CCDC171: variants seen among roughly 807,000 people sequenced by gnomAD.
The protein encoded by CCDC171 is coiled-coil domain containing 171.
In CCDC171, 177 loss-of-function variants were observed where a neutral mutation model predicts 168.2. The ratio of observed to expected loss-of-function variants is 1.05; its 90% CI spans 0.93 to 1.19. The LOEUF is 1.19. Ranked by LOEUF, CCDC171 falls within the 50% of genes most tolerant of loss-of-function variation. The pLI is 0.00. For synonymous variants in CCDC171, 687 were observed against 540.8 expected (o/e 1.27, Z -3.75); for missense variants, 1,991 against 1,539.0 (o/e 1.29, Z -4.91).
At chr9:15,617,539 G>C (rs1352656704) in intron 6 of CCDC171, among the ~76,000 whole-genome samples, 2 of 151,866 alleles carry the variant, frequency 1.3e-5, no homozygotes, top group African/African-American at 4.8e-5. Context: ...ACCACACCCG[G>C]CTAATTTTTT....
At chr9:15,925,142 A>C (rs1825753205) in intron 25 of CCDC171, among the ~76,000 whole-genome samples, 1 of 151,670 alleles carries the variant, frequency 6.6e-6, no homozygotes, top group East Asian at 1.9e-4. Flanking sequence ...ATATAATCAC[A>C]CTAAATAATG....
At chr9:15,639,280 C>T (rs2046419064) in intron 7 of CCDC171, among the ~76,000 whole-genome samples, 1 of 151,954 alleles carries the variant, frequency 6.6e-6, no homozygotes, top group Non-Finnish European at 1.5e-5. Flanking sequence ...CTGTGTTATA[C>T]AGTCATAGGT....
At chr9:15,708,005 G>A (rs1055592021) in intron 11 of CCDC171, among the ~76,000 whole-genome samples, 16 of 151,996 alleles carry the variant, frequency 1.1e-4, no homozygotes, top group African/African-American at 3.4e-4. Context: ...CCAGCACTAC[G>A]CCTGGCTAAT....
At chr9:15,952,202 T>G (rs2132489268) in intron 25 of CCDC171, among the ~76,000 whole-genome samples, 1 of 152,292 alleles carries the variant, frequency 6.6e-6, no homozygotes, top group South Asian at 2.1e-4. Context: ...ATCTGATGCT[T>G]TACTTCTGAG....
intron 3 of CCDC171, among the ~76,000 whole-genome samples, chr9:15,997,875 T>A (rs1445948222): frequency 6.6e-6 from 1 of 152,142 alleles, no homozygotes; most frequent in Non-Finnish European, 1.5e-5. Context: ...CCTTGCATAT[T>A]TACCCCACAG....
the CCDC171 span, among the ~76,000 whole-genome samples, chr9:16,106,893 TC>T: frequency 2.0e-4 from 31 of 152,248 alleles, 1 homozygote; most frequent in Admixed American, 8.5e-4. Context: ...GTTCAGGACT[TC>T]TATACCATCT....
intron 6 of CCDC171, among the ~76,000 whole-genome samples, chr9:15,595,269 G>C (rs902120707): frequency 1.2e-4 from 18 of 151,946 alleles, no homozygotes; most frequent in African/African-American, 4.4e-4. Context: ...TTTAACATTA[G>C]GTATATATCC....
intron 23 of CCDC171, among the ~76,000 whole-genome samples, chr9:15,859,944 G>A (rs1588887463): frequency 6.6e-6 from 1 of 151,338 alleles, no homozygotes; most frequent in Non-Finnish European, 1.5e-5. Flanking sequence ...TGGGATTATA[G>A]GTATAAGCCA....
intron 10 of CCDC171, among the ~76,000 whole-genome samples, chr9:15,689,011 A>T (rs1686955791): frequency 6.6e-6 from 1 of 152,232 alleles, no homozygotes; most frequent in African/African-American, 2.4e-5. Flanking sequence ...AGTTTAGCAG[A>T]GTTGTAGGAT....
intron 7 of CCDC171, among the ~76,000 whole-genome samples, chr9:15,651,840 G>A (rs541292363): frequency 6.7e-6 from 1 of 150,256 alleles, no homozygotes. Context: ...TTGTTTGTTT[G>A]TTTGTTTGTT....
chr9:15,767,137 A>G (rs1479456994), intron 18 of CCDC171, among the ~76,000 whole-genome samples: 1 of 152,232 alleles, frequency 6.6e-6, no homozygotes, highest in African/African-American at 2.4e-5. Flanking sequence ...TTATTGGGCT[A>G]ACAAATTGTC....
rs1389071936 is a variant in CCDC171, at chr9:15,972,653, G to A, written c.*817G>A. The A allele has an allele frequency of 2.0e-5, 3 of 152,082 alleles. No homozygotes were observed. The highest frequency in any genetic ancestry group is 4.4e-5 in the Non-Finnish European group (3 of 68,014). 9.4% of individuals were successfully genotyped at this position (152,082 alleles called of 1,614,324 possible). ...TTAGTATAAGCTGAAAAACTTCAAG[G>A]TAATGGCTGTTTTGACCTTCAAAAT... On this transcript the variant is annotated 3_prime_UTR_variant, in exon 26 of 26. Coordinates refer to ENST00000380701, the MANE Select transcript of CCDC171 (RefSeq NM_173550.4).
At chr9:15,775,802 G>GT (rs1467863527) in intron 18 of CCDC171, among the ~76,000 whole-genome samples, 6 of 152,142 alleles carry the variant, frequency 3.9e-5, no homozygotes, top group Non-Finnish European at 5.9e-5. Context: ...GTTCAGCATT[G>GT]TTGCAGTAGC....
At chr9:16,097,048 C>G in the CCDC171 span, among the ~76,000 whole-genome samples, 1 of 152,050 alleles carries the variant, frequency 6.6e-6, no homozygotes, top group Admixed American at 6.5e-5. Flanking sequence ...GAAGGGTATC[C>G]TTGGAGAACA....
At chr9:16,020,137 G>A (rs1461108615) in intron 3 of CCDC171, among the ~76,000 whole-genome samples, 2 of 152,166 alleles carry the variant, frequency 1.3e-5, no homozygotes, top group African/African-American at 4.8e-5. Context: ...GCATCGACAT[G>A]ATGCCATAAA....
At chr9:15,890,151 A>C (rs1437919391) in intron 24 of CCDC171, among the ~76,000 whole-genome samples, 1 of 151,622 alleles carries the variant, frequency 6.6e-6, no homozygotes, top group South Asian at 2.1e-4. Flanking sequence ...CTGGGACACA[A>C]AGGTAACTCA....
chr9:15,719,297 A>G (rs923556941), intron 11 of CCDC171, among the ~76,000 whole-genome samples: 1 of 151,330 alleles, frequency 6.6e-6, no homozygotes, highest in Non-Finnish European at 1.5e-5. Flanking sequence ...GAGACAAAAG[A>G]AAACAGAATA....
rs2130883047 is a variant in CCDC171 at position 15,855,685 on chromosome 9, T to C, written c.3468+6738T>C. Among the ~76,000 whole-genome samples the C allele has an allele frequency of 1.3e-5, 2 of 151,998 alleles. 1 individual carries two copies. Among genetic ancestry groups the C allele is most frequent in the South Asian group, 4.1e-4 (2 of 4,828 alleles). Reference sequence around the variant, plus strand: ...GTGTACCATTTTTTATTCCCTTCTCTTTTATTTTACTATACATTTTTAGTT... The same window carrying C: ...GTGTACCATTTTTTATTCCCTTCTCCTTTATTTTACTATACATTTTTAGTT... On this transcript the variant is annotated intron_variant, in intron 23 of 25. Transcript: ENST00000380701.
At chr9:15,736,599 G>C (rs1430740269) in intron 16 of CCDC171, among the ~76,000 whole-genome samples, 1 of 152,080 alleles carries the variant, frequency 6.6e-6, no homozygotes. Context: ...CAGTACACCT[G>C]CTTTGACCTC....
Sources: allele counts gnomAD v4.1 joint callset (sites outside exome capture counted in the v4.1 genomes callset), GRCh38; gene constraint gnomAD v4.1.1; transcripts MANE v1.5; gene names NCBI Gene and HGNC (gene_info 2026-07-23, HGNC 2026-07-21).